GGA2: variants seen among roughly 807,000 people sequenced by gnomAD.
GGA2 encodes ADP-ribosylation factor-binding protein GGA2.
GGA2 carries 48 observed loss-of-function variants against 79.5 expected under a neutral mutation model. That is an observed-to-expected ratio of 0.60 (90% CI 0.48 to 0.77). GGA2 has a LOEUF of 0.77. Ranked by LOEUF, GGA2 falls within the 30% of genes least tolerant of loss-of-function variation. The pLI is 0.00. For missense variants in GGA2, 770 were observed against 774.0 expected (o/e 0.99, Z 0.06); for synonymous variants, 317 against 302.0 (o/e 1.05, Z -0.51).
At chr16:23,511,944 A>G (rs1965070014), upstream of GGA2, among the ~76,000 whole-genome samples, 1 of 140,048 alleles carries the variant, frequency 7.1e-6, no homozygotes, top group Admixed American at 7.6e-5. Context: ...GAATTTACCT[A>G]TTTATAGGCA....
chr16:23,479,582 T>TA (rs1262175100), intron 11 of GGA2, among the ~76,000 whole-genome samples, 183 bp downstream of exon 11: 1 of 151,158 alleles, frequency 6.6e-6, no homozygotes, highest in Non-Finnish European at 1.5e-5. Context: ...CTCACTCCCC[T>TA]ACTCACACCC....
At chr16:23,473,526 C>T (rs1048952639) in intron 14 of GGA2, among the ~76,000 whole-genome samples, 3 of 151,664 alleles carry the variant, frequency 2.0e-5, no homozygotes, top group African/African-American at 7.3e-5. Flanking sequence ...TAGGGTTTCA[C>T]CATGTTGGCC....
At chr16:23,483,505 G>C (rs192538851) in intron 8 of GGA2, among the ~76,000 whole-genome samples, 5 of 152,318 alleles carry the variant, frequency 3.3e-5, no homozygotes, top group Admixed American at 1.3e-4. Context: ...TGTGCAGAGA[G>C]ACATAAAAAA....
chr16:23,478,949 C>CG (rs867750061), intron 11 of GGA2, 38 bp from the exon 12 acceptor site: 17 of 1,423,930 alleles, frequency 1.2e-5, no homozygotes, highest in Non-Finnish European at 1.7e-5. Context: ...CTAACAGTAA[C>CG]TCCACCTGCT....
At chr16:23,517,737 CCT>C (rs201863096) in intron 2 of GGA2, among the ~76,000 whole-genome samples, 2,230 of 152,094 alleles carry the variant, frequency 0.015, 23 homozygotes, top group South Asian at 0.02. Flanking sequence ...CCTCAGAACC[CCT>C]GAGGTGCATG....
intron 4 of GGA2, among the ~76,000 whole-genome samples, chr16:23,492,350 G>A (rs1048394365): frequency 6.6e-6 from 1 of 152,194 alleles, no homozygotes; most frequent in Non-Finnish European, 1.5e-5. Context: ...TGTGGAGGTG[G>A]TGGGGCGGGC....
rs1302579598 is a variant in GGA2, at chr16:23,493,461, GCA to G, written c.253-5_253-4del. ...TGGTTCATGCACATCTCCAGCACCT[GCA>G]CAGACACAGGACCCCCAGGAGAAGG... On this transcript the variant is annotated splice_polypyrimidine_tract_variant and splice_region_variant and intron_variant, in intron 3 of 16. Transcript: ENST00000309859. 3 of 1,590,184 alleles carry G rather than the reference GCA, an allele frequency of 1.9e-6. No individual in the cohort carries two copies. In the African/African-American group the frequency reaches 4.0e-5, roughly 21 times the overall value.
At chr16:23,509,599 C>T (rs1029933899) in intron 1 of GGA2, among the ~76,000 whole-genome samples, 1 of 151,880 alleles carries the variant, frequency 6.6e-6, no homozygotes, top group African/African-American at 2.4e-5. Flanking sequence ...AACCTCAATC[C>T]CTCATTGGTA....
chr16:23,521,526 G>A (rs1282362593), intron 1 of GGA2, among the ~76,000 whole-genome samples: 3 of 151,870 alleles, frequency 2.0e-5, no homozygotes, highest in South Asian at 2.1e-4. Flanking sequence ...AGTCTCCCAA[G>A]TAGCTGGGAC....
intron 1 of GGA2, among the ~76,000 whole-genome samples, chr16:23,496,083 T>A (rs1964851596): frequency 6.6e-6 from 1 of 151,876 alleles, no homozygotes; most frequent in South Asian, 2.1e-4. Context: ...GGGGAATCAT[T>A]TGAGGTCAGA....
At chr16:23,499,863 T>C (rs1964900479) in intron 1 of GGA2, among the ~76,000 whole-genome samples, 1 of 152,018 alleles carries the variant, frequency 6.6e-6, no homozygotes, top group Non-Finnish European at 1.5e-5. Context: ...GAATGAAAGG[T>C]AGGGGTGGGG....
At chr16:23,478,323 A>T in intron 13 of GGA2, 45 bp downstream of exon 13, 1 of 1,510,230 alleles carries the variant, frequency 6.6e-7, no homozygotes, top group Non-Finnish European at 8.9e-7. Context: ...AAGGAACCGC[A>T]CTCAGGAGCC....
At chr16:23,507,402 C>G (rs748883234) in intron 1 of GGA2, among the ~76,000 whole-genome samples, 2 of 152,176 alleles carry the variant, frequency 1.3e-5, no homozygotes, top group Non-Finnish European at 2.9e-5. Flanking sequence ...CCAAGACTGG[C>G]AGATAACTTG....
chr16:23,499,459 T>C (rs1468098029), intron 1 of GGA2, among the ~76,000 whole-genome samples: 1 of 152,044 alleles, frequency 6.6e-6, no homozygotes, highest in Non-Finnish European at 1.5e-5. Flanking sequence ...CAGCTTTCTT[T>C]AAGAAAGAAA....
chr16:23,494,331 T>C lies in GGA2; in HGVS notation c.224A>G (p.Gln75Arg). 1 of 1,612,890 alleles carries C rather than the reference T, an allele frequency of 6.2e-7. No homozygotes were observed. Among genetic ancestry groups the C allele is most frequent in the South Asian group, 1.1e-5 (1 of 91,062 alleles). ...WLLAHKIQSPQEKEALYALTV... is the reference protein window; with the variant it reads ...WLLAHKIQSPREKEALYALTV... ...TAAGGCATAAAGAGCTTCCTTCTCT[T>C]GCGGAGACTGGATCTTGTGGGCCAG... Residue 75 changes from glutamine to arginine, a missense_variant, in exon 3 of 17, where the codon CAA (glutamine) becomes CGA (arginine). Transcript: ENST00000309859.
chr16:23,465,639 G>A lies in GGA2; in HGVS notation c.*1951C>T, dbSNP rs557025757. On this transcript the variant is annotated 3_prime_UTR_variant, in exon 17 of 17. Coordinates refer to ENST00000309859, the MANE Select transcript of GGA2 (RefSeq NM_015044.4). ...TTCAAGACTACGCAACAGTAACAGA[G>A]CCTATAAAAGCTACACAGAGGCCGG... 19 of 532,662 alleles carry A rather than the reference G, an allele frequency of 3.6e-5. No individual in the cohort carries two copies. Among genetic ancestry groups the A allele is most frequent in the African/African-American group, 2.7e-4 (14 of 52,556 alleles). 33.0% of individuals were successfully genotyped at this position (532,662 alleles called of 1,614,324 possible).
intron 11 of GGA2, 33 bp from the exon 12 acceptor site, chr16:23,478,944 A>T: frequency 6.8e-7 from 1 of 1,474,472 alleles, no homozygotes; most frequent in Non-Finnish European, 9.5e-7. Context: ...GATGCCTAAC[A>T]GTAACTCCAC....
intron 8 of GGA2, among the ~76,000 whole-genome samples, chr16:23,484,510 G>A (rs1176954835): frequency 6.6e-6 from 1 of 152,142 alleles, no homozygotes. Context: ...TGTCTGATAA[G>A]GAACCTGTAT....
chr16:23,470,858 T>C lies in GGA2; in HGVS notation c.1451-693A>G, dbSNP rs550059580. Among the ~76,000 whole-genome samples, 4 of 133,018 alleles carry C rather than the reference T, an allele frequency of 3.0e-5. No homozygotes were observed. The South Asian group carries it at 9.5e-4, about 32-fold the overall frequency. 87.3% of individuals were successfully genotyped at this position (133,018 alleles called of 152,430 possible). ...TTTTTTTTTTTTTTTGGACAGACTT[T>C]CGCTTTTGTTGCCCAGGCTGGAATG... On this transcript the variant is annotated intron_variant, in intron 14 of 16. Coordinates refer to ENST00000309859, the MANE Select transcript of GGA2 (RefSeq NM_015044.4).
Sources: allele counts gnomAD v4.1 joint callset (sites outside exome capture counted in the v4.1 genomes callset), GRCh38; gene constraint gnomAD v4.1.1; transcripts MANE v1.5; gene names NCBI Gene and HGNC (gene_info 2026-07-23, HGNC 2026-07-21).